Variants in EGFR observed in about 807,000 individuals in gnomAD.
EGFR encodes avian erythroblastic leukemia viral (v-erb-b) oncogene homolog.
In EGFR, 58 loss-of-function variants were observed where a neutral mutation model predicts 143.0. The ratio of observed to expected loss-of-function variants is 0.41; its 90% confidence interval spans 0.33 to 0.50. The LOEUF (loss-of-function observed/expected upper bound fraction) is 0.50, where lower values mean the gene tolerates loss of function less well. Among genes scored for constraint, EGFR ranks in the 20% least tolerant of loss-of-function variants. EGFR has a pLI of 0.39. For missense variants in EGFR, 1,307 were observed against 1,579.0 expected (o/e 0.83, Z 2.92); for synonymous variants, 613 against 594.4 (o/e 1.03, Z -0.45).
At chr7:55,089,843 T>A (rs1790996230) in intron 1 of EGFR, among the ~76,000 whole-genome samples, 1 of 152,234 alleles carries the variant, frequency 6.6e-6, no homozygotes, top group African/African-American at 2.4e-5. Flanking sequence ...GGCCTCCCTC[T>A]AACCAGCTAT....
At chr7:55,182,316 G>C (rs1386466602) in intron 20 of EGFR, 4 of 152,560 alleles carry the variant, frequency 2.6e-5, no homozygotes, top group African/African-American at 9.6e-5. Context: ...GCAGGGCAGG[G>C]GGTCCAGAGA....
rs2128941312 is a variant in EGFR at position 55,160,155 on chromosome 7, G to A, written c.1315G>A (p.Ala439Thr). 6.2e-7 allele frequency: 1 copy of A among 1,614,130 alleles called. No homozygotes were observed. Among genetic ancestry groups the A allele is most frequent in the Non-Finnish European group, 8.5e-7 (1 of 1,180,018 alleles). The change falls in exon 12 of 28, where the codon GCA becomes ACA. Residue 439 changes from alanine (A) to threonine (T), a missense_variant. Physicochemically the swap from Ala to Thr is moderately conservative, Grantham distance 58. Transcript: ENST00000275493. Reference sequence around the variant, plus strand: ...CCAATGTAGTGGTCAGTTTTCTCTTGCAGTCGTCAGCCTGAACATAACATC... The same window carrying A: ...CCAATGTAGTGGTCAGTTTTCTCTTACAGTCGTCAGCCTGAACATAACATC... ...RTKQHGQFSLAVVSLNITSLG... is the reference protein window; with the variant it reads ...RTKQHGQFSLTVVSLNITSLG...
chr7:55,077,348 C>T (rs1790186273), intron 1 of EGFR, among the ~76,000 whole-genome samples: 1 of 152,170 alleles, frequency 6.6e-6, no homozygotes, highest in Non-Finnish European at 1.5e-5. Context: ...CATCTTAAGG[C>T]TGTGAAATTA....
chr7:55,112,447 C>T (rs1219923303), intron 1 of EGFR, among the ~76,000 whole-genome samples: 1 of 152,220 alleles, frequency 6.6e-6, no homozygotes, highest in Non-Finnish European at 1.5e-5. Flanking sequence ...AGATGATTAG[C>T]TGGGGTGGTC....
chr7:55,021,782 G>A (rs1024709131), intron 1 of EGFR, among the ~76,000 whole-genome samples: 1 of 152,150 alleles, frequency 6.6e-6, no homozygotes. Context: ...ACCATTTCAT[G>A]AGTCCTAATC....
At chr7:55,154,640 G>GT (rs1041565458) in intron 7 of EGFR, among the ~76,000 whole-genome samples, 3 of 152,174 alleles carry the variant, frequency 2.0e-5, no homozygotes, top group African/African-American at 7.2e-5. Context: ...CAGAGGTTTT[G>GT]TTTTTGTTTT....
rs923953806 is a variant in EGFR at position 55,124,062 on chromosome 7, A to C, written c.89-18224A>C. ...TGTATTAATGTATGCGTGTAGTTCT[A>C]GAGTCTAGTTAGAGAAAGTGCATAA... is the stretch of plus-strand genomic sequence containing the variant. On this transcript the variant is annotated intron_variant, in intron 1 of 27. Transcript: ENST00000275493. 1.6e-4 allele frequency among the ~76,000 whole-genome samples: 25 copies of C among 152,304 alleles called. 1 individual carries two copies. The East Asian group carries it at 4.6e-3, about 28-fold the overall frequency.
intron 20 of EGFR, among the ~76,000 whole-genome samples, chr7:55,182,689 G>A (rs17290489): frequency 0.042 from 6,315 of 152,122 alleles, 186 homozygotes; most frequent in Non-Finnish European, 0.057. Context: ...CAGCATCATC[G>A]GGCATTGATA....
rs1456537863 is a variant in EGFR at position 55,157,705 on chromosome 7, T to G, written c.1250T>G (p.Leu417Arg). Residue 417 changes from leucine (L) to arginine (R), a missense_variant, in exon 11 of 28, where the codon CTC becomes CGC. By Grantham distance (102) the Leu-to-Arg change is moderately radical. Coordinates refer to ENST00000275493, the MANE Select transcript of EGFR (RefSeq NM_005228.5). ...GCTTGGCCTGAAAACAGGACGGACC[T>G]CCATGCCTTTGAGAACCTAGAAATC... ...IQAWPENRTD[L>R]HAFENLEIIR... is the part of the protein sequence containing the mutation. The G allele has an allele frequency of 6.2e-7, 1 of 1,614,244 alleles. No homozygotes were observed. Among genetic ancestry groups the G allele is most frequent in the Non-Finnish European group, 8.5e-7 (1 of 1,180,036 alleles).
chr7:55,136,355 T>C (rs1329435203), intron 1 of EGFR, among the ~76,000 whole-genome samples: 1 of 152,160 alleles, frequency 6.6e-6, no homozygotes, highest in Non-Finnish European at 1.5e-5. Context: ...AACCAGAAAG[T>C]GGCAAGGACT....
chr7:55,091,941 T>C (rs1791152987), intron 1 of EGFR, among the ~76,000 whole-genome samples: 1 of 151,290 alleles, frequency 6.6e-6, no homozygotes, highest in Non-Finnish European at 1.5e-5. Flanking sequence ...GAACTAAAGT[T>C]TGGCAAAATA....
rs1788100504 is a variant in EGFR, at chr7:55,206,195, C to G, written c.*578C>G. 4.0e-6 allele frequency: 1 copy of G among 249,488 alleles called. No homozygotes were observed. Among genetic ancestry groups the G allele is most frequent in the African/African-American group, 2.2e-5 (1 of 45,404 alleles). The allele number at this position is 249,488 out of a possible 1,614,324, so 15.5% of individuals were successfully genotyped here. ...GGATCGGTACTGTATCAAGTCATGG[C>G]AGGTACAGTAGGATAAGCCACTCTG... On this transcript the variant is annotated 3_prime_UTR_variant, in exon 28 of 28. Transcript: ENST00000275493.
chr7:55,096,608 T>C (rs1188296911), intron 1 of EGFR, among the ~76,000 whole-genome samples: 1 of 152,158 alleles, frequency 6.6e-6, no homozygotes, highest in Admixed American at 6.5e-5. Flanking sequence ...TTTTCCACTC[T>C]GAAATAAAGT....
intron 27 of EGFR, chr7:55,202,938 T>C (rs1787918563): frequency 6.5e-6 from 4 of 615,766 alleles, no homozygotes; most frequent in Non-Finnish European, 2.9e-6. Context: ...TGTACATCTG[T>C]GTATGTGTGT....
Position 55,206,698 on chromosome 7 carries a change from T to A in EGFR, c.*1081T>A. The A allele has an allele frequency of 4.3e-6, 1 of 233,236 alleles. No homozygotes were observed. The highest frequency in any genetic ancestry group is 8.5e-6 in the Non-Finnish European group (1 of 118,046). The allele number at this position is 233,236 out of a possible 1,614,324, so 14.4% of individuals were successfully genotyped here. A position where few individuals can be genotyped will look rare whatever the true frequency, so the allele number is the denominator to read the frequency against. Reference sequence around the variant, plus strand: ...GTTTGTGTTACTTATGGAAGATAGTTTTCTCCTTTTACTTCACTTCAAAAG... The same window carrying A: ...GTTTGTGTTACTTATGGAAGATAGTATTCTCCTTTTACTTCACTTCAAAAG... On this transcript the variant is annotated 3_prime_UTR_variant, in exon 28 of 28. Coordinates refer to ENST00000275493, the MANE Select transcript of EGFR (RefSeq NM_005228.5).
chr7:55,116,889 C>T (rs1193732260), intron 1 of EGFR, among the ~76,000 whole-genome samples: 2 of 152,326 alleles, frequency 1.3e-5, no homozygotes, highest in East Asian at 1.9e-4. Flanking sequence ...ACACTGCGTT[C>T]GTCCATTCTA....
At chr7:55,204,940 GAC>G (rs1788050747) in intron 27 of EGFR, among the ~76,000 whole-genome samples, 1 of 149,866 alleles carries the variant, frequency 6.7e-6, no homozygotes, top group Non-Finnish European at 1.5e-5. Flanking sequence ...ACACACACCA[GAC>G]ACACATACCA....
At chr7:55,155,779 C>T (rs374242162) in intron 7 of EGFR, 51 bp from the exon 8 acceptor site, 5 of 1,510,564 alleles carry the variant, frequency 3.3e-6, no homozygotes, top group South Asian at 1.1e-5. Flanking sequence ...GTGTGAGGCC[C>T]GAGCACCTGG....
chr7:55,182,215 T>G (rs1222626567), intron 20 of EGFR: 2 of 154,258 alleles, frequency 1.3e-5, no homozygotes, highest in East Asian at 3.8e-4. Context: ...TTTCTAACAA[T>G]GGGTATACAT....
Sources: allele counts gnomAD v4.1 joint callset (sites outside exome capture counted in the v4.1 genomes callset), GRCh38; gene constraint gnomAD v4.1.1; transcripts MANE v1.5; gene names NCBI Gene and HGNC (gene_info 2026-07-23, HGNC 2026-07-21).